The following FTO variants were observed in gnomAD, a reference collection of about 807,000 sequenced individuals.
The protein encoded by FTO is alpha-ketoglutarate-dependent dioxygenase FTO.
FTO carries 47 observed loss-of-function variants against 63.9 expected under a neutral mutation model. The observed-to-expected ratio is 0.74, with a 90% CI of 0.58 to 0.94. The LOEUF is 0.94. FTO is among the 40% of genes least tolerant of loss of function. The pLI, the probability that FTO is intolerant of heterozygous loss-of-function variation, is 0.00. For missense variants in FTO, 562 were observed against 618.1 expected (o/e 0.91, Z 0.96); for synonymous variants, 207 against 224.4 (o/e 0.92, Z 0.69).
intron 1 of FTO, among the ~76,000 whole-genome samples, chr16:53,709,405 C>G (rs1411340030): frequency 2.0e-5 from 3 of 152,230 alleles, no homozygotes; most frequent in African/African-American, 7.2e-5. Context: ...ATGGCGTCTA[C>G]TATTTCCTTA....
At chr16:54,063,260 G>A (rs1428506373) in intron 8 of FTO, among the ~76,000 whole-genome samples, 1 of 152,222 alleles carries the variant, frequency 6.6e-6, no homozygotes, top group Non-Finnish European at 1.5e-5. Flanking sequence ...CTGAACTGCT[G>A]ATGTTGGTGG....
intron 4 of FTO, among the ~76,000 whole-genome samples, chr16:53,860,493 G>A (rs937489878): frequency 6.6e-6 from 1 of 152,220 alleles, no homozygotes; most frequent in African/African-American, 2.4e-5. Context: ...TCCCCAGGCT[G>A]TTCAGGAAGT....
chr16:53,722,072 T>G (rs2076053071), intron 1 of FTO, among the ~76,000 whole-genome samples: 2 of 152,182 alleles, frequency 1.3e-5, no homozygotes, highest in Non-Finnish European at 2.9e-5. Context: ...CTGTGAGGTC[T>G]TTTCTTCAGT....
chr16:53,890,633 A>G (rs1258462988), intron 7 of FTO, among the ~76,000 whole-genome samples: 2 of 152,192 alleles, frequency 1.3e-5, no homozygotes, highest in South Asian at 4.1e-4. Flanking sequence ...TAATGTATTA[A>G]TAGTATCACA....
intron 8 of FTO, among the ~76,000 whole-genome samples, chr16:54,006,808 A>G (rs1489926233): frequency 3.9e-5 from 6 of 152,224 alleles, no homozygotes; most frequent in Non-Finnish European, 7.3e-5. Flanking sequence ...AACTTAATAT[A>G]TGTGTATTCC....
chr16:54,007,409 G>T (rs1541577), intron 8 of FTO, among the ~76,000 whole-genome samples: 98,935 of 152,052 alleles, frequency 0.65, 32,836 homozygotes, highest in African/African-American at 0.76. Context: ...AGCCCACTCT[G>T]CCACTTACTA....
chr16:54,062,058 C>A (rs2085589766), intron 8 of FTO, among the ~76,000 whole-genome samples: 1 of 152,140 alleles, frequency 6.6e-6, no homozygotes, highest in South Asian at 2.1e-4. Flanking sequence ...AACATGGCCA[C>A]AGGCATCACG....
intron 8 of FTO, among the ~76,000 whole-genome samples, chr16:54,099,972 C>T (rs959632456): frequency 1.3e-5 from 2 of 152,186 alleles, no homozygotes; most frequent in Admixed American, 1.3e-4. Context: ...CGCAACCCAC[C>T]TTTAGCATCT....
intron 8 of FTO, among the ~76,000 whole-genome samples, chr16:54,048,545 C>T (rs964821897): frequency 1.3e-5 from 2 of 152,144 alleles, no homozygotes; most frequent in East Asian, 3.9e-4. Context: ...TCAGAAAGAA[C>T]AATTGGGTGA....
chr16:54,007,873 C>T (rs1168656387), intron 8 of FTO, among the ~76,000 whole-genome samples: 1 of 152,228 alleles, frequency 6.6e-6, no homozygotes, highest in Non-Finnish European at 1.5e-5. Context: ...AACACTGTCT[C>T]CAGGCTATTG....
intron 1 of FTO, among the ~76,000 whole-genome samples, chr16:53,741,752 T>C (rs1215485036): frequency 1.3e-5 from 2 of 152,128 alleles, no homozygotes; most frequent in African/African-American, 4.8e-5. Context: ...GTCTTAGCAA[T>C]CTGAAACGAC....
chr16:53,837,134 T>C (rs2079318751), intron 3 of FTO, among the ~76,000 whole-genome samples: 1 of 152,210 alleles, frequency 6.6e-6, no homozygotes, highest in African/African-American at 2.4e-5. Flanking sequence ...ATATTTTACT[T>C]CAGATAATAT....
At chr16:53,864,264 C>T (rs2080248785) in intron 4 of FTO, among the ~76,000 whole-genome samples, 1 of 152,114 alleles carries the variant, frequency 6.6e-6, no homozygotes, top group Non-Finnish European at 1.5e-5. Context: ...GTGCCTTTAG[C>T]AAAAGTCATG....
chr16:53,773,076 C>T (rs2077376740), intron 1 of FTO, among the ~76,000 whole-genome samples: 1 of 128,762 alleles, frequency 7.8e-6, no homozygotes, highest in Admixed American at 7.7e-5. Flanking sequence ...TTACTTGGGC[C>T]TTTGATTTAT....
At chr16:53,997,969 C>T (rs1212017475) in intron 8 of FTO, among the ~76,000 whole-genome samples, 9 of 151,910 alleles carry the variant, frequency 5.9e-5, no homozygotes, top group African/African-American at 2.2e-4. Context: ...CTTAATATTC[C>T]CATGTTGATT....
intron 4 of FTO, among the ~76,000 whole-genome samples, chr16:53,869,745 T>C (rs964773509): frequency 2.0e-5 from 3 of 152,202 alleles, no homozygotes; most frequent in Non-Finnish European, 2.9e-5. Flanking sequence ...ATCCCTCTGC[T>C]TACGTTCCCC....
At chr16:53,797,561 A>G (rs1255693145) in intron 1 of FTO, among the ~76,000 whole-genome samples, 2 of 152,070 alleles carry the variant, frequency 1.3e-5, no homozygotes, top group East Asian at 1.9e-4. Flanking sequence ...CTTTTTTTCA[A>G]TATACTGCGA....
intron 7 of FTO, among the ~76,000 whole-genome samples, chr16:53,895,345 GAGAATTC>G (rs1290384104): frequency 6.6e-6 from 1 of 152,100 alleles, no homozygotes; most frequent in African/African-American, 2.4e-5. Flanking sequence ...ACAATTCCAA[GAGAATTC>G]AGGCTTAAGC....
At chr16:53,727,628 A>T (rs374172096) in intron 1 of FTO, among the ~76,000 whole-genome samples, 16 of 152,330 alleles carry the variant, frequency 1.1e-4, no homozygotes, top group African/African-American at 2.4e-4. Context: ...GAAGAGGATG[A>T]ACCTAACAGT....
Sources: allele counts gnomAD v4.1 joint callset (sites outside exome capture counted in the v4.1 genomes callset), GRCh38; gene constraint gnomAD v4.1.1; transcripts MANE v1.5; gene names NCBI Gene and HGNC (gene_info 2026-07-23, HGNC 2026-07-21).